Variants in PCDHGC5 observed in about 807,000 individuals in gnomAD.
PCDHGC5 encodes protocadherin gamma-C5.
PCDHGC5 carries 25 observed loss-of-function variants against 59.0 expected under a neutral mutation model. The ratio of observed to expected loss-of-function variants is 0.42; its 90% CI spans 0.31 to 0.59. The LOEUF (loss-of-function observed/expected upper bound fraction) is 0.59. Among genes scored for constraint, PCDHGC5 ranks in the 20% least tolerant of loss-of-function variants. The pLI is 0.13. For missense variants in PCDHGC5, 1,067 were observed against 1,206.4 expected, an observed-to-expected ratio of 0.88 and a Z score of 1.71; for synonymous variants, 434 against 505.5, an observed-to-expected ratio of 0.86 and a Z score of 1.90.
In PCDHGC5 at chr5:141,489,734, A is replaced by G; in HGVS notation, c.494A>G (p.Asn165Ser). The G allele has an allele frequency of 6.2e-7, 1 of 1,614,164 alleles. No individual in the cohort carries two copies. Among genetic ancestry groups the G allele is most frequent in the Non-Finnish European group, 8.5e-7 (1 of 1,180,028 alleles). Residue 165 changes from asparagine (N) to serine (S), a missense_variant, in exon 1 of 4, where the codon AAT becomes AGT. Transcript: ENST00000252087. This position sits in a 1 kb window ranked among gnomAD's most constrained non-coding sequence, Gnocchi z 4.5. ...GCCCAGGATCCGGATGTGGGCACCAATACTGTGAGCTTTTACACTCTAAGC... is the reference window on the plus strand; with the variant it reads ...GCCCAGGATCCGGATGTGGGCACCAGTACTGTGAGCTTTTACACTCTAAGC... Reference protein sequence around the residue: ...DSAQDPDVGTNTVSFYTLSPN... With the variant: ...DSAQDPDVGTSTVSFYTLSPN...
At position 141,490,664 on chromosome 5, in the gene PCDHGC5, C is replaced by T; in HGVS notation, c.1424C>T (p.Thr475Ile). 6.2e-7 allele frequency: 1 copy of T among 1,614,212 alleles called. No homozygotes were observed. The highest frequency in any genetic ancestry group is 1.1e-5 in the South Asian group (1 of 91,084). Residue 475 changes from threonine (T) to isoleucine (I), a missense_variant, in exon 1 of 4, where the codon ACT (threonine) becomes ATT (isoleucine). Physicochemically the swap from Thr to Ile is moderately conservative, Grantham distance 89. Coordinates refer to ENST00000252087, the MANE Select transcript of PCDHGC5 (RefSeq NM_018929.3). The surrounding 1 kb of genome is among the most constrained non-coding windows in gnomAD (Gnocchi z 5.4). ...CGGCCTCCGGGCTCCCTTCTTTGCA[C>T]TGTGGCTGCCTCAGATCCAGACACT... ...ENRPPGSLLC[T>I]VAASDPDTGD...
intron 2 of PCDHGC5, among the ~76,000 whole-genome samples, chr5:141,505,066 G>A (rs1312509903): frequency 6.6e-6 from 1 of 152,190 alleles, no homozygotes; most frequent in Non-Finnish European, 1.5e-5. Flanking sequence ...GGAGACTGAG[G>A]CAGGAGAATC....
At chr5:141,502,724 C>T (rs1288841230) in intron 2 of PCDHGC5, among the ~76,000 whole-genome samples, 2 of 152,134 alleles carry the variant, frequency 1.3e-5, no homozygotes, top group African/African-American at 4.8e-5. Context: ...GATTACAAAG[C>T]GGTGATGTTC....
In PCDHGC5 at chr5:141,490,175, A is replaced by C; in HGVS notation, c.935A>C (p.Glu312Ala). The C allele has an allele frequency of 1.9e-6, 3 of 1,614,194 alleles. No homozygotes were observed. Among genetic ancestry groups the C allele is most frequent in the East Asian group, 4.5e-5 (2 of 44,884 alleles). Residue 312 changes from glutamate to alanine, a missense_variant, in exon 1 of 4, where the codon GAG becomes GCG. Glu to Ala is a moderately radical substitution (Grantham distance 107). Coordinates refer to ENST00000252087, the MANE Select transcript of PCDHGC5 (RefSeq NM_018929.3). This position sits in a 1 kb window ranked among gnomAD's most constrained non-coding sequence, Gnocchi z 5.4. ...GTGTTGGGTCCCATAGACTTTGAGG[A>C]GTCACGTTTCTATGAAATTCATGCA... ...IHVLGPIDFE[E>A]SRFYEIHARA...
At chr5:141,495,278 C>A (rs2099760057) in intron 2 of PCDHGC5, among the ~76,000 whole-genome samples, 1 of 152,174 alleles carries the variant, frequency 6.6e-6, no homozygotes, top group Non-Finnish European at 1.5e-5. Context: ...CCGGAGGAGG[C>A]GGTCCGCACT....
At chr5:141,508,961 A>C (rs991011427) in intron 3 of PCDHGC5, among the ~76,000 whole-genome samples, 2 of 151,978 alleles carry the variant, frequency 1.3e-5, no homozygotes, top group African/African-American at 4.8e-5. Context: ...TGTCAGCGGA[A>C]TGAAAGGGCT....
intron 3 of PCDHGC5, among the ~76,000 whole-genome samples, chr5:141,509,437 C>T (rs923580110): frequency 2.6e-5 from 4 of 152,104 alleles, no homozygotes; most frequent in African/African-American, 9.7e-5. Context: ...ACTCTTGTTT[C>T]CTCCTCTCCC....
At chr5:141,501,841 C>T (rs2099811330) in intron 2 of PCDHGC5, among the ~76,000 whole-genome samples, 1 of 152,130 alleles carries the variant, frequency 6.6e-6, no homozygotes, top group African/African-American at 2.4e-5. Flanking sequence ...CTGTTTGGCC[C>T]TCAACCTTCA....
chr5:141,496,783 C>T (rs572860852), intron 2 of PCDHGC5, among the ~76,000 whole-genome samples: 1 of 152,162 alleles, frequency 6.6e-6, no homozygotes, highest in East Asian at 1.9e-4. Context: ...GAGCAGGGCC[C>T]TGTGCTAAAC....
Position 141,511,349 on chromosome 5 carries a change from C to T in PCDHGC5, c.*176C>T, listed in dbSNP as rs1463242262. The T allele has an allele frequency of 2.1e-6, 3 of 1,401,380 alleles. No homozygotes were observed. The highest frequency in any genetic ancestry group is 2.9e-5 in the African/African-American group (2 of 68,826). 86.8% of individuals were successfully genotyped at this position (1,401,380 alleles called of 1,614,324 possible). The stretch of plus-strand genomic sequence containing the variant: ...GCCCAGTCAGCACCTACCCCTTCCC[C>T]CCCAGGGGGTTGAATATGCAAAAGC... On this transcript the variant is annotated 3_prime_UTR_variant, in exon 4 of 4. Transcript: ENST00000252087.
At position 141,491,196 on chromosome 5, in the gene PCDHGC5, T is replaced by C. The variant is rs899789155; in HGVS notation, c.1956T>C (p.Gly652=). The part of the protein sequence containing the change: ...QQVVVLVRDN[G]DPSLSSTATV... ...TGGTGGTCCTGGTGAGGGACAATGGTGACCCTTCACTCTCCTCCACAGCCA... is the reference window on the plus strand; with the variant it reads ...TGGTGGTCCTGGTGAGGGACAATGGCGACCCTTCACTCTCCTCCACAGCCA... The change falls in exon 1 of 4, where the codon GGT becomes GGC. Residue 652 remains glycine, a synonymous_variant. Transcript: ENST00000252087. The surrounding 1 kb of genome is among the most constrained non-coding windows in gnomAD (Gnocchi z 6.9). The C allele has an allele frequency of 6.8e-6, 11 of 1,614,186 alleles. No homozygotes were observed. The highest frequency in any genetic ancestry group is 9.3e-6 in the Non-Finnish European group (11 of 1,180,030).
intron 2 of PCDHGC5, among the ~76,000 whole-genome samples, chr5:141,497,175 A>T (rs2154592067): frequency 6.7e-6 from 1 of 150,262 alleles, no homozygotes; most frequent in East Asian, 1.9e-4. Context: ...AAATCACAGT[A>T]AGTTCTGAGA....
Position 141,490,688 on chromosome 5 carries a change from C to G in PCDHGC5, c.1448C>G (p.Thr483Ser). 1 of 1,614,218 alleles carries G rather than the reference C, an allele frequency of 6.2e-7. No individual in the cohort carries two copies. Among genetic ancestry groups the G allele is most frequent in the Non-Finnish European group, 8.5e-7 (1 of 1,180,032 alleles). Residue 483 changes from threonine (T) to serine (S), a missense_variant, in exon 1 of 4, where the codon ACT becomes AGT. Coordinates refer to ENST00000252087, the MANE Select transcript of PCDHGC5 (RefSeq NM_018929.3). The surrounding 1 kb of genome is among the most constrained non-coding windows in gnomAD (Gnocchi z 5.4). ...LCTVAASDPD[T>S]GDNARLTYSI... ...ACTGTGGCTGCCTCAGATCCAGACA[C>G]TGGGGATAATGCCCGCCTCACCTAC...
chr5:141,501,441 A>G (rs547792017), intron 2 of PCDHGC5, among the ~76,000 whole-genome samples: 1 of 151,898 alleles, frequency 6.6e-6, no homozygotes, highest in African/African-American at 2.4e-5. Context: ...CATTTCTTCC[A>G]TTTTTACTTT....
chr5:141,506,444 CAAAAA>C (rs1219684339), intron 3 of PCDHGC5, among the ~76,000 whole-genome samples: 4 of 95,024 alleles, frequency 4.2e-5, no homozygotes, highest in Admixed American at 1.1e-4. Flanking sequence ...CGCTCTGTCT[CAAAAA>C]AAAAAAAAAA....
chr5:141,507,937 A>T (rs2154594220), intron 3 of PCDHGC5: 1 of 152,420 alleles, frequency 6.6e-6, no homozygotes, highest in Admixed American at 6.5e-5. Context: ...AGAGGGGTTA[A>T]GTAAGAGGGA....
chr5:141,491,571 C>G lies in PCDHGC5; in HGVS notation c.2331C>G (p.Cys777Trp). The G allele has an allele frequency of 6.2e-7, 1 of 1,614,026 alleles. No individual in the cohort carries two copies. The highest frequency in any genetic ancestry group is 8.5e-7 in the Non-Finnish European group (1 of 1,180,042). ...TDSQSHCYRT[C>W]FSPASDGSDF... ...CGCAGAGCCACTGCTACAGGACGTG[C>G]TTTTCACCGGCCTCGGACGGCAGTG... Residue 777 changes from cysteine to tryptophan, a missense_variant, in exon 1 of 4, where the codon TGC (cysteine) becomes TGG (tryptophan). By Grantham distance (215) the Cys-to-Trp change is radical (BLOSUM62 -2). Transcript: ENST00000252087. This position sits in a 1 kb window ranked among gnomAD's most constrained non-coding sequence, Gnocchi z 6.9.
chr5:141,490,321 G>C lies in PCDHGC5; in HGVS notation c.1081G>C (p.Glu361Gln). Residue 361 changes from glutamate to glutamine, a missense_variant, in exon 1 of 4, where the codon GAG (glutamate) becomes CAG (glutamine). By Grantham distance (29) the Glu-to-Gln change is conservative. Coordinates refer to ENST00000252087, the MANE Select transcript of PCDHGC5 (RefSeq NM_018929.3). The surrounding 1 kb of genome is among the most constrained non-coding windows in gnomAD (Gnocchi z 5.4). ...GGCCTCTTTGGCCAACCCTGTCCTA[G>C]AGAGCACACCAGTGGGCACAGTAGT... ...LLASLANPVL[E>Q]STPVGTVVGL... 1.2e-6 allele frequency: 2 copies of C among 1,614,220 alleles called. No homozygotes were observed. The highest frequency in any genetic ancestry group is 1.7e-6 in the Non-Finnish European group (2 of 1,180,044).
chr5:141,503,910 G>A (rs1311674998), intron 2 of PCDHGC5, among the ~76,000 whole-genome samples: 1 of 152,062 alleles, frequency 6.6e-6, no homozygotes, highest in Admixed American at 6.6e-5. Flanking sequence ...CACACACAAC[G>A]CAACACACAC....
Sources: allele counts gnomAD v4.1 joint callset (sites outside exome capture counted in the v4.1 genomes callset), GRCh38; gene constraint gnomAD v4.1.1; non-coding constraint Gnocchi (gnomAD v3.1); transcripts MANE v1.5; gene names NCBI Gene and HGNC (gene_info 2026-07-23, HGNC 2026-07-21).